FOXO1: variants seen among roughly 807,000 people sequenced by gnomAD.
FOXO1 encodes the protein forkhead box O1.
In FOXO1, 6 loss-of-function variants were observed where a neutral mutation model predicts 44.1. The ratio of observed to expected loss-of-function variants is 0.14; its 90% CI spans 0.07 to 0.27. The LOEUF is 0.27. Among genes scored for constraint, FOXO1 ranks in the 10% least tolerant of loss-of-function variants. The pLI is 1.00. For synonymous variants in FOXO1, 380 were observed against 362.7 expected, an observed-to-expected ratio of 1.05 and a Z score of -0.54; for missense variants, 737 against 888.8, an observed-to-expected ratio of 0.83 and a Z score of 2.17.
At chr13:40,573,703 GACAA>G (rs955191959) in intron 1 of FOXO1, among the ~76,000 whole-genome samples, 32 of 152,090 alleles carry the variant, frequency 2.1e-4, no homozygotes, top group Middle Eastern at 3.4e-3. Context: ...AAAAGAAAAC[GACAA>G]ACAAACAAAC....
chr13:40,618,417 A>C (rs1876496867), intron 1 of FOXO1, among the ~76,000 whole-genome samples: 1 of 152,228 alleles, frequency 6.6e-6, no homozygotes, highest in Non-Finnish European at 1.5e-5. Flanking sequence ...ACCAATTCAT[A>C]CTAAAATACC....
intron 1 of FOXO1, among the ~76,000 whole-genome samples, chr13:40,609,483 G>A (rs546636216): frequency 7.9e-5 from 12 of 152,092 alleles, no homozygotes; most frequent in Non-Finnish European, 1.5e-4. Flanking sequence ...AGAAAATACA[G>A]GTTTCAGTGC....
Position 40,559,490 on chromosome 13 carries a change from G to C in FOXO1, c.*14+19C>G. The C allele has an allele frequency of 6.5e-7, 1 of 1,526,934 alleles. No individual in the cohort carries two copies. Among genetic ancestry groups the C allele is most frequent in the Non-Finnish European group, 8.8e-7 (1 of 1,138,452 alleles). The allele number at this position is 1,526,934 out of a possible 1,614,324, so 94.6% of individuals were successfully genotyped here. ...AGTTCTATTTTTCAAAAGGTCTTTTGATATTGGGGTGAACTTACCTGCTCA... is the reference window on the plus strand; with the variant it reads ...AGTTCTATTTTTCAAAAGGTCTTTTCATATTGGGGTGAACTTACCTGCTCA... On this transcript the variant is annotated intron_variant, in intron 2 of 2. Coordinates refer to ENST00000379561, the MANE Select transcript of FOXO1 (RefSeq NM_002015.4).
intron 1 of FOXO1, among the ~76,000 whole-genome samples, chr13:40,599,353 G>A (rs1321570743): frequency 6.6e-6 from 1 of 152,162 alleles, no homozygotes. Flanking sequence ...GCCAGGCCTT[G>A]CCCTCAGCAT....
At position 40,560,111 on chromosome 13, in the gene FOXO1, T is replaced by G; in HGVS notation, c.1380A>C (p.Gly460=). 2.5e-6 allele frequency: 4 copies of G among 1,613,872 alleles called. No individual in the cohort carries two copies. Among genetic ancestry groups the G allele is most frequent in the Non-Finnish European group, 2.5e-6 (3 of 1,179,984 alleles). The part of the protein sequence containing the change: ...GGMSQYNCAP[G]LLKELLTSDS... ...CAGAAGTCAGCAACTCCTTCAAGAG[T>G]CCAGGCGCACAGTTATACTGACTCA... is the stretch of plus-strand genomic sequence containing the variant. Residue 460 remains glycine, a synonymous_variant, in exon 2 of 3, where the codon GGA becomes GGC. Coordinates refer to ENST00000379561, the MANE Select transcript of FOXO1 (RefSeq NM_002015.4). The surrounding 1 kb of genome is among the most constrained non-coding windows in gnomAD (Gnocchi z 5.1).
chr13:40,568,886 A>T lies in FOXO1; in HGVS notation c.631-8026T>A, dbSNP rs566031745. 2.6e-5 allele frequency among the ~76,000 whole-genome samples: 4 copies of T among 152,324 alleles called. No homozygotes were observed. In the South Asian group the frequency reaches 8.3e-4, roughly 32 times the overall value. On this transcript the variant is annotated intron_variant, in intron 1 of 2. Coordinates refer to ENST00000379561, the MANE Select transcript of FOXO1 (RefSeq NM_002015.4). ...CTAACGCTCTTGTTTTATGTTAGGG[A>T]AACAAAGTTCAGAGAGATTACAACG... is the stretch of plus-strand genomic sequence containing the variant.
intron 1 of FOXO1, among the ~76,000 whole-genome samples, chr13:40,571,332 T>G (rs1046714511): frequency 2.6e-5 from 4 of 152,154 alleles, no homozygotes; most frequent in African/African-American, 9.7e-5. Flanking sequence ...GTAACAAGCC[T>G]GCACATTGTG....
intron 1 of FOXO1, among the ~76,000 whole-genome samples, chr13:40,590,258 TAATATCTAATA>T (rs766049640): frequency 6.6e-6 from 1 of 152,154 alleles, no homozygotes; most frequent in Non-Finnish European, 1.5e-5. Context: ...ATTAGACTAG[TAATATCTAATA>T]ACATCTAAGC....
rs1319995697 is a variant in FOXO1, at chr13:40,666,218, C to A, written c.-6G>T. 6 of 1,406,446 alleles carry A rather than the reference C, an allele frequency of 4.3e-6. No individual in the cohort carries two copies. The African/African-American group carries it at 6.0e-5, about 14-fold the overall frequency. 87.1% of individuals were successfully genotyped at this position (1,406,446 alleles called of 1,614,324 possible). Reference sequence around the variant, plus strand: ...ACCTGAGGCGCCTCGGCCATGGTGACCCCCGCCCCTCCCCCAGCCGCAGGA... The same window carrying A: ...ACCTGAGGCGCCTCGGCCATGGTGAACCCCGCCCCTCCCCCAGCCGCAGGA... On this transcript the variant is annotated 5_prime_UTR_variant, in exon 1 of 3. Coordinates refer to ENST00000379561, the MANE Select transcript of FOXO1 (RefSeq NM_002015.4).
Position 40,558,046 on chromosome 13 carries a change from TTAC to T in FOXO1, c.*1000_*1002del. 1 of 152,808 alleles carries T rather than the reference TTAC, an allele frequency of 6.5e-6. No homozygotes were observed. Among genetic ancestry groups the T allele is most frequent in the South Asian group, 2.1e-4 (1 of 4,834 alleles). 9.5% of individuals were successfully genotyped at this position (152,808 alleles called of 1,614,324 possible). On this transcript the variant is annotated 3_prime_UTR_variant, in exon 3 of 3. Coordinates refer to ENST00000379561, the MANE Select transcript of FOXO1 (RefSeq NM_002015.4). ...GAAACGTTGAATATGCAAGTACTAA[TTAC>T]AATGATTTAAGATTAGTCAGAAACA...
intron 1 of FOXO1, among the ~76,000 whole-genome samples, chr13:40,584,261 G>A (rs990567856): frequency 6.6e-6 from 1 of 151,748 alleles, no homozygotes; most frequent in Non-Finnish European, 1.5e-5. Flanking sequence ...TACCTCCAAG[G>A]CAGAGAGACC....
intron 1 of FOXO1, among the ~76,000 whole-genome samples, chr13:40,610,512 CAGCAGGTTCACTGTGAGT>C (rs1876191051): frequency 6.6e-6 from 1 of 152,168 alleles, no homozygotes. Context: ...ATCCCAGTGT[CAGCAGGTTCACTGTGAGT>C]CAGACCTGAA....
At chr13:40,586,818 C>G (rs895007847) in intron 1 of FOXO1, among the ~76,000 whole-genome samples, 1 of 152,092 alleles carries the variant, frequency 6.6e-6, no homozygotes, top group African/African-American at 2.4e-5. Flanking sequence ...GCAAAGTCAG[C>G]ACAAGGGAAC....
In FOXO1 at chr13:40,665,683, G is replaced by C. The variant is rs746920781; in HGVS notation, c.530C>G (p.Ala177Gly). Residue 177 changes from alanine (A) to glycine (G), a missense_variant, in exon 1 of 3, where the codon GCG (alanine) becomes GGG (glycine). Physicochemically the swap from Ala to Gly is moderately conservative, Grantham distance 60. Transcript: ENST00000379561. Reference protein sequence around the residue: ...DLITKAIESSAEKRLTLSQIY... With the variant: ...DLITKAIESSGEKRLTLSQIY... ...CTGCGACAGCGTGAGCCGCTTCTCCGCCGAGCTCTCGATGGCCTTGGTGAT... is the reference window on the plus strand; with the variant it reads ...CTGCGACAGCGTGAGCCGCTTCTCCCCCGAGCTCTCGATGGCCTTGGTGAT... The C allele has an allele frequency of 1.3e-6, 2 of 1,543,692 alleles. No homozygotes were observed. Among genetic ancestry groups the C allele is most frequent in the Non-Finnish European group, 1.8e-6 (2 of 1,140,346 alleles).
chr13:40,649,937 C>T (rs922611011), intron 1 of FOXO1, among the ~76,000 whole-genome samples: 3 of 152,182 alleles, frequency 2.0e-5, no homozygotes, highest in African/African-American at 7.2e-5. Flanking sequence ...CAATCCAGAC[C>T]TCAAATGACA....
chr13:40,634,309 C>G (rs891772360), intron 1 of FOXO1, among the ~76,000 whole-genome samples: 1 of 152,180 alleles, frequency 6.6e-6, no homozygotes, highest in African/African-American at 2.4e-5. Flanking sequence ...CATATCCACA[C>G]AACTGCATAC....
At chr13:40,591,927 G>A (rs117469007) in intron 1 of FOXO1, among the ~76,000 whole-genome samples, 7,708 of 152,076 alleles carry the variant, frequency 0.051, 581 homozygotes, top group East Asian at 0.39. Context: ...GGCTGGTCTC[G>A]AGTTCCGGGC....
intron 1 of FOXO1, among the ~76,000 whole-genome samples, chr13:40,628,923 T>C (rs566774804): frequency 6.6e-5 from 10 of 152,272 alleles, no homozygotes; most frequent in Non-Finnish European, 1.3e-4. Context: ...TGGCCTACCA[T>C]GTATATTTTT....
intron 1 of FOXO1, among the ~76,000 whole-genome samples, chr13:40,613,074 G>GT (rs1876292294): frequency 1.3e-5 from 2 of 152,224 alleles, no homozygotes; most frequent in African/African-American, 4.8e-5. Flanking sequence ...GAAGAAGGCT[G>GT]TAAGATGATC....
Sources: gnomAD v4.1 joint callset for allele counts (sites outside exome capture counted in the v4.1 genomes callset) on GRCh38, gnomAD v4.1.1 for gene constraint, Gnocchi (gnomAD v3.1) non-coding constraint, MANE v1.5 for transcripts, NCBI Gene and HGNC (gene_info 2026-07-23, HGNC 2026-07-21) for gene names.